The following ACSF3 variants were observed in gnomAD, a reference collection of about 807,000 sequenced individuals.
The protein encoded by ACSF3 is acyl-CoA synthetase family member 3, also known as malonate--CoA ligase ACSF3, mitochondrial.
In ACSF3, 78 loss-of-function variants were observed where a neutral mutation model predicts 53.2. The observed-to-expected ratio is 1.47, with a 90% confidence interval of 1.22 to 1.77. The LOEUF (loss-of-function observed/expected upper bound fraction) is 1.77. ACSF3 is among the 40% of genes most tolerant of loss of function. The pLI, the probability that ACSF3 is intolerant of heterozygous loss-of-function variation, is 0.00. For synonymous variants in ACSF3, 414 were observed against 333.1 expected, an observed-to-expected ratio of 1.24 and a Z score of -2.65; for missense variants, 937 against 771.1, an observed-to-expected ratio of 1.22 and a Z score of -2.55.
At chr16:89,112,736 GTC>G (rs376963411) in intron 5 of ACSF3, among the ~76,000 whole-genome samples, 6 of 150,576 alleles carry the variant, frequency 4.0e-5, no homozygotes, top group Admixed American at 6.6e-5. Context: ...TCTCCTGTCC[GTC>G]TCTCTCTCTC....
chr16:89,146,846 C>T (rs537443383), intron 10 of ACSF3, among the ~76,000 whole-genome samples: 25 of 152,302 alleles, frequency 1.6e-4, no homozygotes, highest in Middle Eastern at 3.4e-3. Flanking sequence ...GTGGTGGTCA[C>T]GCCCAGGGCT....
chr16:89,135,071 GTTT>G (rs76337118), intron 8 of ACSF3, among the ~76,000 whole-genome samples: 3 of 115,616 alleles, frequency 2.6e-5, no homozygotes, highest in African/African-American at 6.5e-5. Context: ...TCTTTTCCTG[GTTT>G]TTTTTTTTTT....
At chr16:89,094,409 G>C (rs1166053469) in intron 1 of ACSF3, among the ~76,000 whole-genome samples, 1 of 152,216 alleles carries the variant, frequency 6.6e-6, no homozygotes, top group Non-Finnish European at 1.5e-5. Context: ...TGCTGGGCGC[G>C]TGGGGCACAG....
At chr16:89,134,445 G>A (rs1039046702) in intron 8 of ACSF3, among the ~76,000 whole-genome samples, 7 of 152,232 alleles carry the variant, frequency 4.6e-5, no homozygotes, top group Non-Finnish European at 1.0e-4. Context: ...CAGGAGCACA[G>A]TGGACACCCT....
At chr16:89,130,863 G>A (rs1227304042) in intron 7 of ACSF3, among the ~76,000 whole-genome samples, 1 of 152,104 alleles carries the variant, frequency 6.6e-6, no homozygotes, top group Non-Finnish European at 1.5e-5. Flanking sequence ...ATGAACGTTA[G>A]CCCTCTGTGT....
chr16:89,149,819 G>GTAA (rs1259845643), intron 10 of ACSF3: 5 of 152,174 alleles, frequency 3.3e-5, no homozygotes, highest in African/African-American at 9.7e-5. Flanking sequence ...GAACCAGTGG[G>GTAA]AAAGAGTGGG....
At chr16:89,104,059 T>C (rs989794571) in intron 4 of ACSF3, among the ~76,000 whole-genome samples, 2 of 152,126 alleles carry the variant, frequency 1.3e-5, no homozygotes, top group Non-Finnish European at 2.9e-5. Flanking sequence ...TCTAGCTGAC[T>C]GCAGGCAAGA....
intron 7 of ACSF3, among the ~76,000 whole-genome samples, chr16:89,126,933 T>C (rs931809521): frequency 6.6e-6 from 1 of 152,206 alleles, no homozygotes; most frequent in African/African-American, 2.4e-5. Context: ...CTATCTATAA[T>C]GTGCTTAGAC....
chr16:89,149,136 C>G (rs191436788), intron 10 of ACSF3: 2 of 152,242 alleles, frequency 1.3e-5, no homozygotes, highest in Admixed American at 1.3e-4. Flanking sequence ...CATCTCCCTC[C>G]GAGTCTACCT....
At chr16:89,151,444 G>A (rs1914066293) in intron 10 of ACSF3, 2 of 320,782 alleles carry the variant, frequency 6.2e-6, no homozygotes, top group Non-Finnish European at 1.2e-5. Flanking sequence ...AAGAAAACGA[G>A]AGGACAGTGT....
At chr16:89,105,209 A>G (rs996349317) in intron 4 of ACSF3, among the ~76,000 whole-genome samples, 5 of 152,232 alleles carry the variant, frequency 3.3e-5, no homozygotes, top group Admixed American at 2.0e-4. Context: ...CAGCTGCGAC[A>G]CAGCAGTCTG....
At position 89,112,199 on chromosome 16, in the gene ACSF3, G is replaced by C; in HGVS notation, c.930G>C (p.Gln310His). The change falls in exon 5 of 11, where the codon CAG becomes CAC. Residue 310 changes from glutamine to histidine, a missense_variant. Coordinates refer to ENST00000614302, the MANE Select transcript of ACSF3 (RefSeq NM_001243279.3). ...AGTACTACGACAGGCATTTTACCCA[G>C]CCGCACGCCCAGGATTTCTTGCGTG... ...LMEYYDRHFTQPHAQDFLRAV... is the reference protein window; with the variant it reads ...LMEYYDRHFTHPHAQDFLRAV... 1 of 1,614,214 alleles carries C rather than the reference G, an allele frequency of 6.2e-7. No homozygotes were observed. The highest frequency in any genetic ancestry group is 1.1e-5 in the South Asian group (1 of 91,082).
At position 89,112,230 on chromosome 16, in the gene ACSF3, T is replaced by G; in HGVS notation, c.961T>G (p.Cys321Gly). ...CGCCCAGGATTTCTTGCGTGCAGTT[T>G]GTGAAGAAAAAATTAGGTAAGTGAA... The part of the protein sequence containing the change: ...PHAQDFLRAV[C>G]EEKIRLMVSG... Residue 321 changes from cysteine to glycine, a missense_variant, in exon 5 of 11, where the codon TGT becomes GGT. Cys to Gly is a radical substitution (Grantham distance 159). Coordinates refer to ENST00000614302, the MANE Select transcript of ACSF3 (RefSeq NM_001243279.3). 1 of 1,614,192 alleles carries G rather than the reference T, an allele frequency of 6.2e-7. No individual in the cohort carries two copies.
intron 8 of ACSF3, among the ~76,000 whole-genome samples, chr16:89,141,807 C>T (rs1911811895): frequency 6.6e-6 from 1 of 152,204 alleles, no homozygotes; most frequent in African/African-American, 2.4e-5. Context: ...ACGACTGCCA[C>T]CATGCACTGA....
At chr16:89,112,463 G>T (rs1199485040) in intron 5 of ACSF3, among the ~76,000 whole-genome samples, 1 of 151,480 alleles carries the variant, frequency 6.6e-6, no homozygotes. Context: ...CTTCCACGTC[G>T]ATAGCTGCCT....
rs746883692 is a variant in ACSF3 at position 89,100,948 on chromosome 16, C to T, written c.267C>T (p.Val89=). 1.1e-5 allele frequency: 18 copies of T among 1,613,554 alleles called. No homozygotes were observed. Among genetic ancestry groups the T allele is most frequent in the Admixed American group, 8.3e-5 (5 of 60,010 alleles). The part of the protein sequence containing the change: ...SQEICRLCGC[V]GGDLREERVS... ...AGATCTGCAGGCTCTGCGGGTGTGT[C>T]GGCGGGGACCTCCGGGAGGAGAGGG... is the stretch of plus-strand genomic sequence containing the variant. Residue 89 remains valine (V), a synonymous_variant, in exon 3 of 11, where the codon GTC becomes GTT. Coordinates refer to ENST00000614302, the MANE Select transcript of ACSF3 (RefSeq NM_001243279.3).
intron 7 of ACSF3, among the ~76,000 whole-genome samples, chr16:89,129,521 T>C (rs6416805): frequency 0.72 from 109,278 of 152,110 alleles, 40,210 homozygotes; most frequent in Non-Finnish European, 0.8. Flanking sequence ...GAAGCAAGTT[T>C]CTTATACACA....
At chr16:89,120,656 T>TG in intron 6 of ACSF3, 145 bp from the exon 7 acceptor site, 1 of 805,542 alleles carries the variant, frequency 1.2e-6, no homozygotes, top group South Asian at 1.4e-5. Flanking sequence ...ATCTTCTCTC[T>TG]GGGTCACAGG....
intron 1 of ACSF3, among the ~76,000 whole-genome samples, chr16:89,095,755 G>A (rs1326839183): frequency 2.0e-5 from 3 of 152,248 alleles, no homozygotes; most frequent in African/African-American, 4.8e-5. Flanking sequence ...CGGCGCGGCC[G>A]TTTGTCTTCT....
Sources: gnomAD v4.1 joint callset for allele counts (sites outside exome capture counted in the v4.1 genomes callset) on GRCh38, gnomAD v4.1.1 for gene constraint, MANE v1.5 for transcripts, NCBI Gene and HGNC (gene_info 2026-07-23, HGNC 2026-07-21) for gene names.